The following FHIT variants were observed in gnomAD, a reference collection of about 807,000 sequenced individuals.
FHIT encodes the protein fragile histidine triad diadenosine triphosphatase.
FHIT carries 19 observed loss-of-function variants against 17.9 expected under a neutral mutation model. That is an observed-to-expected ratio of 1.06 (90% CI 0.74 to 1.56). The LOEUF is 1.56. Among genes scored for constraint, FHIT ranks in the 40% most tolerant of loss-of-function variants. The probability of loss-of-function intolerance (pLI) is 0.00; values close to 1 mark genes in which losing one functional copy is unlikely to be tolerated. For synonymous variants in FHIT, 81 were observed against 69.7 expected (o/e 1.16, Z -0.81); for missense variants, 248 against 189.2 (o/e 1.31, Z -1.82).
Position 61,160,715 on chromosome 3 carries a change from G to T in FHIT, c.-164+39902C>A, listed in dbSNP as rs144742489. 2.7e-3 allele frequency among the ~76,000 whole-genome samples: 405 copies of T among 152,286 alleles called. 2 individuals carry two copies. Among genetic ancestry groups the T allele is most frequent in the African/African-American group, 9.3e-3 (387 of 41,566 alleles). Reference sequence around the variant, plus strand: ...CTTTAAATTGGGTTAACTCAGTGAGGATAGCCATGAAACAAGTGGCTATAG... The same window carrying T: ...CTTTAAATTGGGTTAACTCAGTGAGTATAGCCATGAAACAAGTGGCTATAG... On this transcript the variant is annotated intron_variant, in intron 2 of 9. Coordinates refer to ENST00000492590, the MANE Select transcript of FHIT (RefSeq NM_002012.4).
chr3:61,022,993 G>A (rs1464358846), intron 3 of FHIT, among the ~76,000 whole-genome samples: 1 of 152,110 alleles, frequency 6.6e-6, no homozygotes, highest in African/African-American at 2.4e-5. Context: ...TTCTGGCCAG[G>A]GCGATCAGGC....
At chr3:60,634,925 C>A (rs1328342898) in intron 4 of FHIT, among the ~76,000 whole-genome samples, 3 of 152,104 alleles carry the variant, frequency 2.0e-5, no homozygotes, top group Non-Finnish European at 2.9e-5. Context: ...AGTGGCTATT[C>A]ACAGGTACTA....
At chr3:61,194,891 T>A (rs1418577794) in intron 2 of FHIT, among the ~76,000 whole-genome samples, 1 of 152,074 alleles carries the variant, frequency 6.6e-6, no homozygotes, top group Admixed American at 6.6e-5. Context: ...AGTATTATTA[T>A]TATAGTTCTG....
At chr3:59,798,762 T>C (rs1025912567) in intron 8 of FHIT, among the ~76,000 whole-genome samples, 17 of 152,226 alleles carry the variant, frequency 1.1e-4, no homozygotes. Flanking sequence ...TTTCAGCATC[T>C]GGAAAATGGA....
intron 4 of FHIT, among the ~76,000 whole-genome samples, chr3:60,574,453 T>C (rs191420595): frequency 1.3e-5 from 2 of 151,714 alleles, no homozygotes; most frequent in African/African-American, 2.4e-5. Context: ...CTTAAATCAG[T>C]GTGGTACCTG....
At chr3:60,143,150 A>C (rs1700110460) in intron 5 of FHIT, among the ~76,000 whole-genome samples, 1 of 152,158 alleles carries the variant, frequency 6.6e-6, no homozygotes, top group Admixed American at 6.6e-5. Context: ...GAACATAAGG[A>C]ACTAAGGCCA....
chr3:60,068,702 G>A (rs1576022213), intron 5 of FHIT, among the ~76,000 whole-genome samples: 1 of 152,130 alleles, frequency 6.6e-6, no homozygotes, highest in South Asian at 2.1e-4. Flanking sequence ...CACAATTAAA[G>A]TCTCAAATAA....
chr3:60,356,922 G>A (rs752821555), intron 5 of FHIT, among the ~76,000 whole-genome samples: 1 of 152,114 alleles, frequency 6.6e-6, no homozygotes, highest in Non-Finnish European at 1.5e-5. Flanking sequence ...TGGGCCAGGT[G>A]CTTTACATGT....
chr3:59,922,372 G>A lies in FHIT; in HGVS notation c.322C>T (p.His108Tyr). 1 of 1,613,952 alleles carries A rather than the reference G, an allele frequency of 6.2e-7. No homozygotes were observed. The highest frequency in any genetic ancestry group is 8.5e-7 in the Non-Finnish European group (1 of 1,179,912). ...HVLPRKAGDF[H>Y]RNDSIYEELQ... ...TCCTCATAGATGCTGTCATTCCTGT[G>A]AAAGTCTCCAGCCTTCCTGGGAAGA... The change falls in exon 8 of 10, where the codon CAC (histidine) becomes TAC (tyrosine). Residue 108 changes from histidine to tyrosine, a missense_variant. Physicochemically the swap from His to Tyr is moderately conservative, Grantham distance 83. Transcript: ENST00000492590.
At chr3:60,943,687 A>G (rs1357125950) in intron 3 of FHIT, among the ~76,000 whole-genome samples, 1 of 152,190 alleles carries the variant, frequency 6.6e-6, no homozygotes, top group African/African-American at 2.4e-5. Context: ...ATGGCCTCTC[A>G]CTGAACCAAG....
chr3:60,504,371 T>C (rs886249403), intron 5 of FHIT, among the ~76,000 whole-genome samples: 1 of 151,366 alleles, frequency 6.6e-6, no homozygotes, highest in African/African-American at 2.4e-5. Context: ...GAGTTGGAGG[T>C]TGCAGTGAGC....
chr3:60,014,528 G>A (rs1333747710), intron 5 of FHIT, among the ~76,000 whole-genome samples: 3 of 152,198 alleles, frequency 2.0e-5, no homozygotes, highest in African/African-American at 4.8e-5. Flanking sequence ...GCACTAGGTT[G>A]AAAAAGCAAC....
At chr3:60,453,001 G>C (rs113006974) in intron 5 of FHIT, among the ~76,000 whole-genome samples, 1 of 152,136 alleles carries the variant, frequency 6.6e-6, no homozygotes. Flanking sequence ...AGAATGTAAG[G>C]ATGTGTCAAA....
At chr3:61,220,971 A>C (rs1448881588) in intron 1 of FHIT, among the ~76,000 whole-genome samples, 1 of 152,258 alleles carries the variant, frequency 6.6e-6, no homozygotes, top group Non-Finnish European at 1.5e-5. Context: ...CAGAAAAATA[A>C]ATTTACCAAG....
chr3:60,686,544 A>G (rs985905330), intron 4 of FHIT, among the ~76,000 whole-genome samples: 2 of 151,864 alleles, frequency 1.3e-5, no homozygotes, highest in African/African-American at 4.8e-5. Context: ...TTTTTTTTTA[A>G]TCCTTTTTAA....
intron 5 of FHIT, among the ~76,000 whole-genome samples, chr3:60,015,590 C>T (rs1407099098): frequency 1.3e-5 from 2 of 152,178 alleles, no homozygotes; most frequent in African/African-American, 4.8e-5. Context: ...TAAAAGGGAC[C>T]CTTCCCCATA....
In FHIT at chr3:59,934,529, A is replaced by C. The variant is rs1706135253; in HGVS notation, c.280-12115T>G. On this transcript the variant is annotated intron_variant, in intron 7 of 9. Transcript: ENST00000492590. ...GGTTTTCAGTGACATAACAGCTTTAAATTCTTAAAGCTATTTAATGAGAAG... is the reference window on the plus strand; with the variant it reads ...GGTTTTCAGTGACATAACAGCTTTACATTCTTAAAGCTATTTAATGAGAAG... Among the ~76,000 whole-genome samples the C allele has an allele frequency of 2.6e-5, 4 of 152,206 alleles. No individual in the cohort carries two copies. In the Middle Eastern group the frequency reaches 0.01, roughly 388 times the overall value.
chr3:59,847,678 G>C (rs1428863863), intron 8 of FHIT, among the ~76,000 whole-genome samples: 5 of 152,056 alleles, frequency 3.3e-5, no homozygotes, highest in African/African-American at 1.2e-4. Flanking sequence ...TTGAAAACTG[G>C]ACATATGAAT....
At chr3:59,846,428 T>G (rs1429512564) in intron 8 of FHIT, among the ~76,000 whole-genome samples, 1 of 152,150 alleles carries the variant, frequency 6.6e-6, no homozygotes, top group Non-Finnish European at 1.5e-5. Flanking sequence ...TAAAATTACA[T>G]CTATATATCT....
Sources: allele counts gnomAD v4.1 joint callset (sites outside exome capture counted in the v4.1 genomes callset), GRCh38; gene constraint gnomAD v4.1.1; transcripts MANE v1.5; gene names NCBI Gene and HGNC (gene_info 2026-07-23, HGNC 2026-07-21).